MDGA1: variants seen among roughly 807,000 people sequenced by gnomAD.
The protein encoded by MDGA1 is MAM domain containing glycosylphosphatidylinositol anchor 1.
A neutral mutation model predicts 101.5 loss-of-function variants in MDGA1; 54 were observed. The ratio of observed to expected loss-of-function variants is 0.53; its 90% CI spans 0.43 to 0.67. The LOEUF is 0.67. MDGA1 is among the 30% of genes least tolerant of loss of function. The pLI is 0.00. For synonymous variants in MDGA1, 533 were observed against 558.3 expected (o/e 0.95, Z 0.64); for missense variants, 1,083 against 1,323.8 (o/e 0.82, Z 2.82).
chr6:37,658,724 C>A (rs761413087), intron 2 of MDGA1, among the ~76,000 whole-genome samples: 1 of 152,220 alleles, frequency 6.6e-6, no homozygotes, highest in East Asian at 1.9e-4. Flanking sequence ...CTAATCCCAG[C>A]ACTTCGGGAG....
chr6:37,644,089 C>T (rs1381250697), intron 13 of MDGA1, 146 bp from the exon 14 acceptor site: 1 of 531,262 alleles, frequency 1.9e-6, no homozygotes. Context: ...TCCTGCCTCA[C>T]CCCACACATC....
intron 13 of MDGA1, 60 bp downstream of exon 13, chr6:37,644,437 C>T (rs1764175845): frequency 1.4e-6 from 2 of 1,448,506 alleles, no homozygotes; most frequent in Non-Finnish European, 1.8e-6. Context: ...CTGGGGTGCC[C>T]TGGGCCTAGA....
Position 37,634,926 on chromosome 6 carries a change from C to G in MDGA1, c.*2442G>C, listed in dbSNP as rs1339706098. On this transcript the variant is annotated 3_prime_UTR_variant, in exon 17 of 17. Transcript: ENST00000434837. This position sits in a 1 kb window ranked among gnomAD's most constrained non-coding sequence, Gnocchi z 4.7. ...TCCCCTGTCGGAGCAGCCAGGGTTG[C>G]GGGGCAAATGGATTGGAAGGTCCTC... The G allele has an allele frequency of 6.6e-6, 1 of 152,320 alleles. No homozygotes were observed. Among genetic ancestry groups the G allele is most frequent in the Non-Finnish European group, 1.5e-5 (1 of 68,164 alleles). The allele number at this position is 152,320 out of a possible 1,614,324, so 9.4% of individuals were successfully genotyped here. A position where few individuals can be genotyped will look rare whatever the true frequency, so the allele number is the denominator to read the frequency against.
chr6:37,644,014 T>G, intron 13 of MDGA1, 71 bp from the exon 14 acceptor site: 1 of 1,573,440 alleles, frequency 6.4e-7, no homozygotes, highest in African/African-American at 1.4e-5. Flanking sequence ...ATTCCCTCTC[T>G]GCCTAGGCCT....
chr6:37,658,100 C>T (rs147295891), intron 3 of MDGA1, 145 bp downstream of exon 3: 32 of 867,892 alleles, frequency 3.7e-5, no homozygotes, highest in East Asian at 2.9e-4. Flanking sequence ...TGGTACACAC[C>T]GCCTGGTACC....
intron 1 of MDGA1, among the ~76,000 whole-genome samples, chr6:37,671,843 A>T (rs915695818): frequency 6.6e-6 from 1 of 152,226 alleles, no homozygotes; most frequent in Non-Finnish European, 1.5e-5. Flanking sequence ...ACAGACAGCA[A>T]GACAAATGGA....
At chr6:37,646,469 T>C (rs1437970638) in intron 10 of MDGA1, 94 bp from the exon 11 acceptor site, 2 of 1,048,548 alleles carry the variant, frequency 1.9e-6, no homozygotes, top group Non-Finnish European at 2.6e-6. Flanking sequence ...CGTGCCCACC[T>C]CCCAGGGCTG....
At chr6:37,644,459 A>G in intron 13 of MDGA1, 38 bp downstream of exon 13, 1 of 1,504,354 alleles carries the variant, frequency 6.6e-7, no homozygotes, top group Non-Finnish European at 8.9e-7. Flanking sequence ...ACCCCCCTGA[A>G]GCAATCCTCC....
chr6:37,646,076 C>T, intron 11 of MDGA1, 120 bp from the exon 12 acceptor site: 2 of 1,575,532 alleles, frequency 1.3e-6, no homozygotes, highest in Non-Finnish European at 1.7e-6. Flanking sequence ...GCGGATCTGG[C>T]CTGCAGTGAC....
intron 14 of MDGA1, among the ~76,000 whole-genome samples, chr6:37,642,633 A>T (rs1764117627): frequency 6.6e-6 from 1 of 152,142 alleles, no homozygotes; most frequent in Non-Finnish European, 1.5e-5. Context: ...TCCTATAAAC[A>T]AGTAAACAAA....
At chr6:37,657,055 G>A (rs1486625224) in intron 3 of MDGA1, among the ~76,000 whole-genome samples, 1 of 152,076 alleles carries the variant, frequency 6.6e-6, no homozygotes, top group African/African-American at 2.4e-5. Flanking sequence ...TCCTGGAAAT[G>A]TTCTATCTCT....
chr6:37,652,231 C>T lies in MDGA1; in HGVS notation c.1092G>A (p.Gln364=). 6.2e-7 allele frequency: 1 copy of T among 1,614,032 alleles called. No individual in the cohort carries two copies. ...KLSCHVDAVP[Q]EKVTYQWFKN... is the part of the protein sequence containing the mutation. ...TGAACCACTGGTAGGTCACCTTCTC[C>T]TGGGGCACTGCATCCACGTGGCACG... The change falls in exon 7 of 17, where the codon CAG becomes CAA. Residue 364 remains glutamine (Q), a synonymous_variant. Coordinates refer to ENST00000434837, the MANE Select transcript of MDGA1 (RefSeq NM_153487.4). The surrounding 1 kb of genome is among the most constrained non-coding windows in gnomAD (Gnocchi z 4.3).
rs1429901373 is a variant in MDGA1 at position 37,696,892 on chromosome 6, G to T, written c.-81C>A. 5 of 1,142,820 alleles carry T rather than the reference G, an allele frequency of 4.4e-6. No individual in the cohort carries two copies. The highest frequency in any genetic ancestry group is 6.4e-6 in the Non-Finnish European group (5 of 776,798). 70.8% of individuals were successfully genotyped at this position (1,142,820 alleles called of 1,614,324 possible). On this transcript the variant is annotated 5_prime_UTR_variant, in exon 1 of 17. Transcript: ENST00000434837. The surrounding 1 kb of genome is among the most constrained non-coding windows in gnomAD (Gnocchi z 5.6). Reference sequence around the variant, plus strand: ...GGCGCATTCGCCGGGGCCCCGCGACGCCCCTATGTCCCCCCCTTTCCCTGA... The same window carrying T: ...GGCGCATTCGCCGGGGCCCCGCGACTCCCCTATGTCCCCCCCTTTCCCTGA...
intron 7 of MDGA1, among the ~76,000 whole-genome samples, chr6:37,651,030 CT>C (rs1761348076): frequency 6.6e-6 from 1 of 152,250 alleles, no homozygotes; most frequent in Admixed American, 6.5e-5. Context: ...ATGGCTGCAG[CT>C]GGAACTGCCA....
chr6:37,648,767 G>A, intron 9 of MDGA1: 1 of 883,498 alleles, frequency 1.1e-6, no homozygotes, highest in Non-Finnish European at 1.6e-6. Context: ...CTGGAGGGCG[G>A]GGCTGGGAGG....
intron 1 of MDGA1, among the ~76,000 whole-genome samples, chr6:37,680,193 G>A (rs553225598): frequency 2.0e-5 from 3 of 152,300 alleles, no homozygotes; most frequent in South Asian, 2.1e-4. Context: ...TGAGCTGTGC[G>A]GGATCACTTG....
At chr6:37,685,976 C>T (rs2114100987) in intron 1 of MDGA1, among the ~76,000 whole-genome samples, 1 of 152,290 alleles carries the variant, frequency 6.6e-6, no homozygotes, top group East Asian at 1.9e-4. Flanking sequence ...ATTCAAGAAA[C>T]ACCAACTGCC....
chr6:37,648,731 T>G, intron 9 of MDGA1: 3 of 597,446 alleles, frequency 5.0e-6, no homozygotes, highest in East Asian at 3.4e-5. Flanking sequence ...CAAGGGAAGG[T>G]GTGAGTGGAG....
At chr6:37,683,014 C>T (rs569046063) in intron 1 of MDGA1, among the ~76,000 whole-genome samples, 7 of 152,322 alleles carry the variant, frequency 4.6e-5, no homozygotes, top group African/African-American at 1.7e-4. Flanking sequence ...ACCCAGAATC[C>T]TGCCTACAGG....
Sources: allele counts gnomAD v4.1 joint callset (sites outside exome capture counted in the v4.1 genomes callset), GRCh38; gene constraint gnomAD v4.1.1; non-coding constraint Gnocchi (gnomAD v3.1); transcripts MANE v1.5; gene names NCBI Gene and HGNC (gene_info 2026-07-23, HGNC 2026-07-21).